MYO5B: variants seen among roughly 807,000 people sequenced by gnomAD.
The protein encoded by MYO5B is myosin VB, also known as unconventional myosin-Vb.
MYO5B carries 143 observed loss-of-function variants against 229.3 expected under a neutral mutation model. That is an observed-to-expected ratio of 0.62 (90% CI 0.54 to 0.72). The LOEUF is 0.72. Ranked by LOEUF, MYO5B falls within the 30% of genes least tolerant of loss-of-function variation. The probability of loss-of-function intolerance (pLI) is 0.00; values close to 1 mark genes in which losing one functional copy is unlikely to be tolerated. For synonymous variants in MYO5B, 918 were observed against 885.2 expected (o/e 1.04, Z -0.66); for missense variants, 2,321 against 2,331.0 (o/e 1.00, Z 0.09).
At chr18:50,134,958 A>T (rs1279417186) in intron 1 of MYO5B, among the ~76,000 whole-genome samples, 2 of 152,204 alleles carry the variant, frequency 1.3e-5, no homozygotes, top group Admixed American at 6.5e-5. Context: ...AGAGCTTTGA[A>T]ATTAAGTTCC....
At chr18:50,141,456 G>A (rs1049999875) in intron 1 of MYO5B, among the ~76,000 whole-genome samples, 4 of 152,218 alleles carry the variant, frequency 2.6e-5, no homozygotes, top group Non-Finnish European at 5.9e-5. Flanking sequence ...TGCCTGAGCT[G>A]TAACACTACC....
intron 18 of MYO5B, among the ~76,000 whole-genome samples, chr18:49,909,128 T>C (rs561354105): frequency 2.0e-5 from 3 of 152,354 alleles, no homozygotes; most frequent in East Asian, 1.9e-4. Flanking sequence ...GGAACTGGCA[T>C]GTGCCCCTCT....
In MYO5B at chr18:49,929,574, C is replaced by T. The variant is rs771567158; in HGVS notation, c.2028G>A (p.Gln676=). The change falls in exon 17 of 40, where the codon CAG becomes CAA. Residue 676 remains glutamine, a synonymous_variant. Coordinates refer to ENST00000285039, the MANE Select transcript of MYO5B (RefSeq NM_001080467.3). ...CCAACACCCCGCAGGCTCTGAGTTG[C>T]TGCACTGCTCTCTTTGGGTCAAAGC... ...PFHFDPKRAV[Q]QLRACGVLET... The T allele has an allele frequency of 1.2e-6, 2 of 1,602,822 alleles. No homozygotes were observed. Among genetic ancestry groups the T allele is most frequent in the South Asian group, 2.2e-5 (2 of 89,694 alleles).
Position 49,904,689 on chromosome 18 carries a change from G to T in MYO5B, c.2554C>A (p.Arg852=), listed in dbSNP as rs768724490. 1 of 1,613,870 alleles carries T rather than the reference G, an allele frequency of 6.2e-7. No individual in the cohort carries two copies. Among genetic ancestry groups the T allele is most frequent in the Non-Finnish European group, 8.5e-7 (1 of 1,180,016 alleles). Residue 852 remains arginine, a synonymous_variant, in exon 20 of 40, where the codon CGG becomes AGG. Transcript: ENST00000285039. ...CTACTCACCTGGCGGTAGGTTCTCC[G>T]CACAAACATGGCCCGGGTGAAGGCC... ...IQAFTRAMFV[R]RTYRQVLMEH...
At chr18:50,145,557 C>CCAAAAG (rs1185769776) in intron 1 of MYO5B, among the ~76,000 whole-genome samples, 15 of 144,198 alleles carry the variant, frequency 1.0e-4, no homozygotes, top group Non-Finnish European at 1.7e-4. Context: ...AGGAGCATCC[C>CCAAAAG]CAAAAGCAAA....
At chr18:49,895,322 C>A in intron 21 of MYO5B, 148 bp from the exon 22 acceptor site, 1 of 713,180 alleles carries the variant, frequency 1.4e-6, no homozygotes, top group South Asian at 1.5e-5. Context: ...CAAGTGCTTG[C>A]CTGGCATCTC....
At chr18:50,032,319 C>T (rs889042151) in intron 4 of MYO5B, among the ~76,000 whole-genome samples, 9 of 152,304 alleles carry the variant, frequency 5.9e-5, no homozygotes, top group Middle Eastern at 3.4e-3. Flanking sequence ...CTTCATCACC[C>T]GCCACAACCA....
intron 1 of MYO5B, among the ~76,000 whole-genome samples, chr18:50,091,834 G>A (rs1266076269): frequency 1.3e-5 from 2 of 152,158 alleles, no homozygotes; most frequent in African/African-American, 4.8e-5. Flanking sequence ...AGTTTTCAAT[G>A]CTAATATACT....
chr18:49,898,055 A>G lies in MYO5B; in HGVS notation c.2812-2881T>C, dbSNP rs116365292. ...TGCCTATGATATTCAGTACAGTAAC[A>G]TGCTGTACAGGTTTGTAGCCTAGGA... On this transcript the variant is annotated intron_variant, in intron 21 of 39. Transcript: ENST00000285039. Among the ~76,000 whole-genome samples the G allele has an allele frequency of 7.8e-3, 1,182 of 152,352 alleles. 22 individuals are homozygous for G. The highest frequency in any genetic ancestry group is 0.027 in the African/African-American group (1,121 of 41,574).
At chr18:50,078,258 G>C (rs762283071) in intron 1 of MYO5B, among the ~76,000 whole-genome samples, 1 of 152,184 alleles carries the variant, frequency 6.6e-6, no homozygotes, top group African/African-American at 2.4e-5. Context: ...TCAGATCCCT[G>C]AGCATCCTGG....
chr18:49,962,255 A>C lies in MYO5B; in HGVS notation c.1545+11T>G, dbSNP rs17715416. On this transcript the variant is annotated intron_variant, in intron 12 of 39. Coordinates refer to ENST00000285039, the MANE Select transcript of MYO5B (RefSeq NM_001080467.3). ...CCCTAGAATTGAACTAATTTGCATC[A>C]TCAGTTTTACCTTACATTCTTCATC... 6.2e-7 allele frequency: 1 copy of C among 1,613,438 alleles called. No homozygotes were observed. The highest frequency in any genetic ancestry group is 1.3e-5 in the African/African-American group (1 of 74,884).
At chr18:49,931,369 C>G (rs1173401856) in intron 16 of MYO5B, among the ~76,000 whole-genome samples, 1 of 152,162 alleles carries the variant, frequency 6.6e-6, no homozygotes, top group African/African-American at 2.4e-5. Flanking sequence ...CCCTCCCAAG[C>G]CCCACCTTCT....
chr18:50,096,167 C>T (rs771296749), intron 1 of MYO5B, among the ~76,000 whole-genome samples: 3 of 152,176 alleles, frequency 2.0e-5, no homozygotes, highest in Non-Finnish European at 2.9e-5. Context: ...TGTTGAACCA[C>T]ATTAAATAGC....
intron 1 of MYO5B, among the ~76,000 whole-genome samples, chr18:50,188,796 A>ACACACACACAC (rs1381403631): frequency 7.2e-5 from 9 of 125,198 alleles, no homozygotes; most frequent in Non-Finnish European, 1.3e-4. Context: ...AAAAAAAAAA[A>ACACACACACAC]AAAAAAAAAA....
Position 50,040,222 on chromosome 18 carries a change from A to C in MYO5B, c.231T>G (p.Leu77=). 2 of 1,614,148 alleles carry C rather than the reference A, an allele frequency of 1.2e-6. No individual in the cohort carries two copies. The highest frequency in any genetic ancestry group is 1.7e-6 in the Non-Finnish European group (2 of 1,179,996). The change falls in exon 3 of 40, where the codon CTT becomes CTG. Residue 77 remains leucine (L), a synonymous_variant. Transcript: ENST00000285039. ...ILVGENDLTA[L]SYLHEPAVLH... ...AAACTGCAGGCTCATGAAGATAGCT[A>C]AGGGCAGTCAGGTCATTTTCTCCCA...
At chr18:50,188,284 C>T (rs1229379004) in intron 1 of MYO5B, among the ~76,000 whole-genome samples, 1 of 152,140 alleles carries the variant, frequency 6.6e-6, no homozygotes, top group African/African-American at 2.4e-5. Flanking sequence ...CTTTAGGCCC[C>T]AGTCATGTCC....
rs2024760142 is a variant in MYO5B, at chr18:49,894,932, TG to T, written c.3045+8del. ...CTTGCCAGCGCCTGCCCCTCTGGCC[TG>T]AGCATACCTTCCTCAGCTCATCTTT... is the stretch of plus-strand genomic sequence containing the variant. On this transcript the variant is annotated splice_region_variant and intron_variant, in intron 22 of 39. Coordinates refer to ENST00000285039, the MANE Select transcript of MYO5B (RefSeq NM_001080467.3). 1 of 1,610,538 alleles carries T rather than the reference TG, an allele frequency of 6.2e-7. No individual in the cohort carries two copies. Among genetic ancestry groups the T allele is most frequent in the South Asian group, 1.1e-5 (1 of 91,062 alleles).
intron 32 of MYO5B, among the ~76,000 whole-genome samples, chr18:49,848,349 G>C (rs1238558830): frequency 6.6e-6 from 1 of 152,122 alleles, no homozygotes; most frequent in African/African-American, 2.4e-5. Flanking sequence ...CCCCACAGAA[G>C]AGGTGGGATG....
chr18:49,853,596 C>T lies in MYO5B; in HGVS notation c.4074G>A (p.Val1358=). ...QAQSLEHEEE[V]EHLKAQLEAL... is the part of the protein sequence containing the mutation. ...CCTCGAGCTGAGCCTTGAGATGCTCCACCTCCTCCTCATGCTCCAGGCTCT... is the reference window on the plus strand; with the variant it reads ...CCTCGAGCTGAGCCTTGAGATGCTCTACCTCCTCCTCATGCTCCAGGCTCT... Residue 1358 remains valine, a synonymous_variant, in exon 31 of 40, where the codon GTG becomes GTA. Transcript: ENST00000285039. The T allele has an allele frequency of 6.2e-7, 1 of 1,614,086 alleles. No homozygotes were observed. The highest frequency in any genetic ancestry group is 1.7e-4 in the Middle Eastern group (1 of 6,052).
Sources: gnomAD v4.1 joint callset for allele counts (sites outside exome capture counted in the v4.1 genomes callset) on GRCh38, gnomAD v4.1.1 for gene constraint, MANE v1.5 for transcripts, NCBI Gene and HGNC (gene_info 2026-07-23, HGNC 2026-07-21) for gene names.